Variants in SLC25A26 observed in about 807,000 individuals in gnomAD.
SLC25A26 encodes mitochondrial S-adenosylmethionine carrier protein.
SLC25A26 carries 36 observed loss-of-function variants against 37.8 expected under a neutral mutation model. That is an observed-to-expected ratio of 0.95 (90% CI 0.73 to 1.26). SLC25A26 has a LOEUF of 1.26. Among genes scored for constraint, SLC25A26 ranks in the 50% most tolerant of loss-of-function variants. SLC25A26 has a pLI of 0.00. For missense variants in SLC25A26, 390 were observed against 331.1 expected (o/e 1.18, Z -1.38); for synonymous variants, 129 against 122.5 (o/e 1.05, Z -0.35).
At chr3:66,306,511 T>A (rs1470213875) in intron 5 of SLC25A26, among the ~76,000 whole-genome samples, 1 of 152,220 alleles carries the variant, frequency 6.6e-6, no homozygotes, top group Non-Finnish European at 1.5e-5. Flanking sequence ...TTTAATACTT[T>A]AAGTTCTGGG....
chr3:66,165,606 C>A (rs140813899), intron 1 of SLC25A26, among the ~76,000 whole-genome samples: 57 of 152,110 alleles, frequency 3.7e-4, no homozygotes, highest in African/African-American at 1.3e-3. Flanking sequence ...GAACGTGAAA[C>A]AAACTAACTC....
intron 6 of SLC25A26, among the ~76,000 whole-genome samples, chr3:66,357,658 A>G (rs1283575649): frequency 6.6e-6 from 1 of 152,134 alleles, no homozygotes; most frequent in Non-Finnish European, 1.5e-5. Context: ...GTGGCAATGA[A>G]ATTACTTATT....
intron 5 of SLC25A26, among the ~76,000 whole-genome samples, chr3:66,340,946 A>G (rs978190365): frequency 5.9e-5 from 9 of 151,916 alleles, no homozygotes; most frequent in African/African-American, 2.2e-4. Flanking sequence ...TGTTGGAGAG[A>G]GAGAGAATGT....
chr3:66,192,170 G>T (rs2070955414), intron 1 of SLC25A26, among the ~76,000 whole-genome samples: 1 of 151,882 alleles, frequency 6.6e-6, no homozygotes, highest in African/African-American at 2.4e-5. Flanking sequence ...ACAAAAATTA[G>T]CTGGGTGTGG....
chr3:66,301,641 G>A (rs1220825300), intron 5 of SLC25A26, among the ~76,000 whole-genome samples: 2 of 152,192 alleles, frequency 1.3e-5, no homozygotes, highest in Admixed American at 6.5e-5. Flanking sequence ...ATTTCTATAC[G>A]TGTTTAGACG....
chr3:66,268,461 A>G (rs923834474), intron 5 of SLC25A26, among the ~76,000 whole-genome samples: 4 of 152,246 alleles, frequency 2.6e-5, no homozygotes, highest in Admixed American at 6.5e-5. Flanking sequence ...TTTAATTACA[A>G]GTAAGACTGG....
intron 5 of SLC25A26, among the ~76,000 whole-genome samples, chr3:66,321,667 CAA>C (rs1280341056): frequency 6.6e-6 from 1 of 151,382 alleles, no homozygotes; most frequent in East Asian, 1.9e-4. Flanking sequence ...GTTGTGAAAA[CAA>C]TGGCAAAAGT....
upstream of SLC25A26, among the ~76,000 whole-genome samples, chr3:66,218,755 C>G (rs1163539895): frequency 6.6e-6 from 1 of 152,192 alleles, no homozygotes; most frequent in Non-Finnish European, 1.5e-5. Flanking sequence ...TGAAGACACT[C>G]AAGCAGTACT....
At chr3:66,199,729 T>G (rs928751915) in intron 1 of SLC25A26, among the ~76,000 whole-genome samples, 44 of 152,118 alleles carry the variant, frequency 2.9e-4, no homozygotes, top group African/African-American at 1.1e-3. Context: ...CTCACCATGA[T>G]ATTGATCCTG....
chr3:66,336,240 G>A lies in SLC25A26; in HGVS notation c.454-10124G>A, dbSNP rs530891582. Among the ~76,000 whole-genome samples the A allele has an allele frequency of 8.5e-5, 13 of 152,204 alleles. No homozygotes were observed. In the South Asian group the frequency reaches 2.5e-3, roughly 29 times the overall value. On this transcript the variant is annotated intron_variant, in intron 5 of 9. Coordinates refer to ENST00000354883, the MANE Select transcript of SLC25A26 (RefSeq NM_001379210.1). ...ATAAGCATATGCCTTTGTTAACAAG[G>A]ACATTTGATAGAATAATAAGTAAAA...
chr3:66,189,771 C>CCCT (rs1349326019), intron 1 of SLC25A26, among the ~76,000 whole-genome samples: 5 of 152,178 alleles, frequency 3.3e-5, no homozygotes, highest in African/African-American at 1.2e-4. Context: ...AAGCGACTTT[C>CCCT]CCTCCTCAGC....
intron 5 of SLC25A26, among the ~76,000 whole-genome samples, chr3:66,303,984 C>G (rs1055602560): frequency 6.6e-6 from 1 of 152,184 alleles, no homozygotes; most frequent in Non-Finnish European, 1.5e-5. Context: ...CATGTGGCCC[C>G]CTCCATAGGC....
Position 66,240,698 on chromosome 3 carries a change from G to A in SLC25A26, c.191-2505G>A, listed in dbSNP as rs370087646. Reference sequence around the variant, plus strand: ...TGTTAGTAAATGATAAAATAGGCTAGTATCTAAATATATTTTATGTATTCA... The same window carrying A: ...TGTTAGTAAATGATAAAATAGGCTAATATCTAAATATATTTTATGTATTCA... On this transcript the variant is annotated intron_variant, in intron 2 of 9. Transcript: ENST00000354883. Among the ~76,000 whole-genome samples the A allele has an allele frequency of 4.4e-4, 67 of 151,150 alleles. 2 individuals carry two copies. The South Asian group carries it at 0.014, about 31-fold the overall frequency.
rs575142749 is a variant in SLC25A26, at chr3:66,249,150, AC to A, written c.300+5839del. Among the ~76,000 whole-genome samples the A allele has an allele frequency of 1.6e-3, 239 of 152,266 alleles. 1 individual carries two copies. The highest frequency in any genetic ancestry group is 5.5e-3 in the African/African-American group (227 of 41,538). On this transcript the variant is annotated intron_variant, in intron 3 of 9. Coordinates refer to ENST00000354883, the MANE Select transcript of SLC25A26 (RefSeq NM_001379210.1). ...AGACCTAAAAAGGCTAGTTTAATAA[AC>A]TGGTTATTTTTGAGTGTGACAATGA... is the stretch of plus-strand genomic sequence containing the variant.
At chr3:66,216,329 T>C (rs959677217), upstream of SLC25A26, among the ~76,000 whole-genome samples, 11 of 152,226 alleles carry the variant, frequency 7.2e-5, no homozygotes, top group East Asian at 1.5e-3. Flanking sequence ...TTGGGCAACA[T>C]GGTGAAACCC....
intron 1 of SLC25A26, among the ~76,000 whole-genome samples, chr3:66,166,593 A>T (rs1000147600): frequency 2.0e-5 from 3 of 152,188 alleles, no homozygotes; most frequent in South Asian, 4.1e-4. Context: ...GATAATTTTT[A>T]ATTTGGTTAA....
intron 5 of SLC25A26, among the ~76,000 whole-genome samples, chr3:66,301,044 T>G (rs2107557574): frequency 6.6e-6 from 1 of 152,290 alleles, no homozygotes; most frequent in Non-Finnish European, 1.5e-5. Context: ...GTGTTTGACC[T>G]GCCAGAATAA....
At chr3:66,348,561 C>G (rs1407162186) in intron 6 of SLC25A26, among the ~76,000 whole-genome samples, 2 of 151,974 alleles carry the variant, frequency 1.3e-5, no homozygotes, top group Non-Finnish European at 2.9e-5. Context: ...ATTGACTAGT[C>G]ATGGAGTGCT....
Position 66,378,004 on chromosome 3 carries a change from A to G in SLC25A26, c.*197A>G. The G allele has an allele frequency of 1.9e-6, 1 of 518,424 alleles. No individual in the cohort carries two copies. The highest frequency in any genetic ancestry group is 3.4e-6 in the Non-Finnish European group (1 of 290,424). The allele number at this position is 518,424 out of a possible 1,614,324, so 32.1% of individuals were successfully genotyped here. A position where few individuals can be genotyped will look rare whatever the true frequency, so the allele number is the denominator to read the frequency against. ...TTGGCCTGTATGCCAGAGAGCTAAG[A>G]GAAGAAAACGGGGTCTGTGGCGGTA... On this transcript the variant is annotated 3_prime_UTR_variant, in exon 10 of 10. Coordinates refer to ENST00000354883, the MANE Select transcript of SLC25A26 (RefSeq NM_001379210.1).
Sources: gnomAD v4.1 joint callset for allele counts (sites outside exome capture counted in the v4.1 genomes callset) on GRCh38, gnomAD v4.1.1 for gene constraint, MANE v1.5 for transcripts, NCBI Gene and HGNC (gene_info 2026-07-23, HGNC 2026-07-21) for gene names.